Variants in L3MBTL4 observed in about 807,000 individuals in gnomAD.
L3MBTL4 encodes the protein L3MBTL histone methyl-lysine binding protein 4.
A neutral mutation model predicts 84.5 loss-of-function variants in L3MBTL4; 70 were observed. The observed-to-expected ratio is 0.83, with a 90% CI of 0.68 to 1.01. The LOEUF is 1.01. Among genes scored for constraint, L3MBTL4 ranks in the 50% least tolerant of loss-of-function variants. The pLI, the probability that L3MBTL4 is intolerant of heterozygous loss-of-function variation, is 0.00. For missense variants in L3MBTL4, 715 were observed against 754.8 expected (o/e 0.95, Z 0.62); for synonymous variants, 274 against 259.8 (o/e 1.05, Z -0.52).
chr18:6,311,770 TAACCTGATAAGTTGACAAA>T, intron 2 of L3MBTL4, 114 bp from the exon 3 acceptor site: 2 of 650,692 alleles, frequency 3.1e-6, no homozygotes, highest in Non-Finnish European at 5.5e-6. Flanking sequence ...TTACTATAAA[TAACCTGATAAGTTGACAAA>T]AACTTTGCAA....
intron 17 of L3MBTL4, among the ~76,000 whole-genome samples, chr18:5,961,547 A>C (rs1335122878): frequency 1.3e-5 from 2 of 152,182 alleles, no homozygotes; most frequent in Non-Finnish European, 2.9e-5. Flanking sequence ...GAGTCATTTT[A>C]CAATCTTCAC....
At chr18:5,957,910 A>G (rs977686832) in intron 18 of L3MBTL4, among the ~76,000 whole-genome samples, 13 of 151,304 alleles carry the variant, frequency 8.6e-5, no homozygotes, top group African/African-American at 3.2e-4. Context: ...CAGTGAGACA[A>G]GATCATCCCA....
chr18:5,967,721 G>T, intron 17 of L3MBTL4, among the ~76,000 whole-genome samples: 1 of 152,218 alleles, frequency 6.6e-6, no homozygotes, highest in East Asian at 1.9e-4. Context: ...GCAAGAGTTG[G>T]AAGTGAGCAT....
At chr18:6,033,029 G>C (rs1422382822) in intron 16 of L3MBTL4, among the ~76,000 whole-genome samples, 1 of 152,170 alleles carries the variant, frequency 6.6e-6, no homozygotes, top group Non-Finnish European at 1.5e-5. Context: ...GTATCGGTTA[G>C]ATAGCTGCTT....
chr18:6,057,304 G>A (rs953762836), intron 16 of L3MBTL4, among the ~76,000 whole-genome samples: 2 of 152,192 alleles, frequency 1.3e-5, no homozygotes, highest in African/African-American at 4.8e-5. Context: ...CAAAGTGCTA[G>A]GATTACAGGC....
chr18:6,187,866 C>CAAA (rs36013917), intron 12 of L3MBTL4, among the ~76,000 whole-genome samples: 6 of 96,942 alleles, frequency 6.2e-5, no homozygotes, highest in African/African-American at 1.4e-4. Context: ...CTCTTGGTAC[C>CAAA]AAAAAAAAAA....
intron 1 of L3MBTL4, among the ~76,000 whole-genome samples, chr18:6,331,470 T>C (rs180721294): frequency 1.3e-5 from 2 of 151,858 alleles, no homozygotes; most frequent in Admixed American, 6.6e-5. Context: ...CTCTCAAAAT[T>C]AGTATGAAAA....
intron 18 of L3MBTL4, among the ~76,000 whole-genome samples, chr18:5,958,085 GAAGAAGAAGAAGAAGAAGAAGAAGA>G (rs2095239960): frequency 1.6e-5 from 1 of 63,680 alleles, no homozygotes; most frequent in Non-Finnish European, 2.5e-5. Context: ...AGAAGAAGAA[GAAGAAGAAGAAGAAGAAGAAGAAGA>G]AGAAGAAGAA....
chr18:6,148,882 G>GT (rs2042765792), intron 13 of L3MBTL4, among the ~76,000 whole-genome samples: 1 of 151,806 alleles, frequency 6.6e-6, no homozygotes, highest in Non-Finnish European at 1.5e-5. Flanking sequence ...GCACCTAAGG[G>GT]TTTTTAATGT....
intron 1 of L3MBTL4, among the ~76,000 whole-genome samples, chr18:6,365,427 T>A (rs1311684715): frequency 6.6e-6 from 1 of 152,234 alleles, no homozygotes; most frequent in Admixed American, 6.5e-5. Context: ...CACATGATAA[T>A]GCTCTAACTT....
chr18:6,371,795 T>C (rs2054171274), intron 1 of L3MBTL4, among the ~76,000 whole-genome samples: 1 of 152,224 alleles, frequency 6.6e-6, no homozygotes, highest in Admixed American at 6.5e-5. Flanking sequence ...GTTCTTGGTT[T>C]CAGAACACTG....
At chr18:6,311,384 T>C (rs997822653) in intron 3 of L3MBTL4, among the ~76,000 whole-genome samples, 170 bp downstream of exon 3, 2 of 151,748 alleles carry the variant, frequency 1.3e-5, no homozygotes, top group Non-Finnish European at 2.9e-5. Context: ...TATATCAGAC[T>C]TTAAGAACAC....
At chr18:6,141,211 G>A (rs1465342911) in intron 13 of L3MBTL4, among the ~76,000 whole-genome samples, 1 of 151,898 alleles carries the variant, frequency 6.6e-6, no homozygotes, top group Non-Finnish European at 1.5e-5. Context: ...ACTGGCTTTG[G>A]CAACATCACA....
intron 16 of L3MBTL4, among the ~76,000 whole-genome samples, chr18:5,977,278 T>C (rs1171332592): frequency 6.6e-6 from 1 of 152,202 alleles, no homozygotes; most frequent in Non-Finnish European, 1.5e-5. Context: ...CAGGCAGGCC[T>C]CCGTCTCCTC....
intron 1 of L3MBTL4, among the ~76,000 whole-genome samples, chr18:6,370,934 C>T (rs1050728085): frequency 3.9e-5 from 6 of 152,212 alleles, no homozygotes; most frequent in African/African-American, 1.4e-4. Context: ...AAATGCAGAT[C>T]CAGCACTTTC....
intron 10 of L3MBTL4, among the ~76,000 whole-genome samples, chr18:6,234,050 A>G (rs1000390148): frequency 6.6e-5 from 10 of 152,192 alleles, no homozygotes; most frequent in Non-Finnish European, 1.5e-5. Context: ...AAACCTGACA[A>G]AAACAAGAAA....
chr18:6,012,708 G>C (rs894953946), intron 16 of L3MBTL4, among the ~76,000 whole-genome samples: 3 of 151,800 alleles, frequency 2.0e-5, no homozygotes, highest in Admixed American at 2.0e-4. Context: ...AGGAGTTTGG[G>C]GCTGCAGTGA....
intron 16 of L3MBTL4, among the ~76,000 whole-genome samples, chr18:5,984,671 A>G (rs979549494): frequency 6.6e-6 from 1 of 152,200 alleles, no homozygotes; most frequent in African/African-American, 2.4e-5. Context: ...CATTATTTCT[A>G]TCAAAGGTAG....
intron 14 of L3MBTL4, among the ~76,000 whole-genome samples, chr18:6,118,993 C>CTTTTTTTTTTTT (rs779523685): frequency 1.2e-4 from 10 of 83,712 alleles, no homozygotes; most frequent in South Asian, 4.8e-4. Context: ...TTTTTGGTTT[C>CTTTTTTTTTTTT]TTTTTTTTTT....
Sources: gnomAD v4.1 joint callset for allele counts (sites outside exome capture counted in the v4.1 genomes callset) on GRCh38, gnomAD v4.1.1 for gene constraint, MANE v1.5 for transcripts, NCBI Gene and HGNC (gene_info 2026-07-23, HGNC 2026-07-21) for gene names.